Variants in TNNI3K observed in about 807,000 individuals in gnomAD.
TNNI3K encodes the protein serine/threonine-protein kinase TNNI3K.
TNNI3K carries 140 observed loss-of-function variants against 114.5 expected under a neutral mutation model. The observed-to-expected ratio is 1.22, with a 90% CI of 1.07 to 1.41. TNNI3K has a LOEUF of 1.41. Ranked by LOEUF, TNNI3K falls within the 40% of genes most tolerant of loss-of-function variation. The pLI is 0.00. For missense variants in TNNI3K, 1,125 were observed against 1,007.6 expected (o/e 1.12, Z -1.58); for synonymous variants, 347 against 347.5 (o/e 1.00, Z 0.02).
intron 9 of TNNI3K, among the ~76,000 whole-genome samples, chr1:74,351,848 T>G (rs1557514544): frequency 6.6e-6 from 1 of 152,236 alleles, no homozygotes; most frequent in Non-Finnish European, 1.5e-5. Flanking sequence ...CTGCATTGAT[T>G]ATTCTAGTTA....
At chr1:74,294,443 C>A (rs1657859672) in intron 5 of TNNI3K, among the ~76,000 whole-genome samples, 1 of 151,988 alleles carries the variant, frequency 6.6e-6, no homozygotes, top group African/African-American at 2.4e-5. Context: ...TTGATACTGA[C>A]ACTGGCTCAG....
chr1:74,334,447 A>G (rs1251477958), intron 6 of TNNI3K, among the ~76,000 whole-genome samples: 1 of 152,190 alleles, frequency 6.6e-6, no homozygotes, highest in Non-Finnish European at 1.5e-5. Flanking sequence ...GTCAATTGCT[A>G]TTTGAACCCT....
intron 23 of TNNI3K, among the ~76,000 whole-genome samples, chr1:74,532,189 C>G (rs35016895): frequency 6.6e-6 from 1 of 152,072 alleles, no homozygotes; most frequent in South Asian, 2.1e-4. Flanking sequence ...AAGTTTAGTG[C>G]ATGTGTATCT....
chr1:74,526,796 G>T (rs563994705), intron 23 of TNNI3K, among the ~76,000 whole-genome samples: 1 of 152,162 alleles, frequency 6.6e-6, no homozygotes, highest in East Asian at 1.9e-4. Flanking sequence ...AGAGCAACAC[G>T]TATAGGACTT....
intron 4 of TNNI3K, among the ~76,000 whole-genome samples, chr1:74,269,668 T>C (rs1396930034): frequency 6.6e-6 from 1 of 151,898 alleles, no homozygotes; most frequent in Non-Finnish European, 1.5e-5. Context: ...AAATAAGGAA[T>C]GTTAGATGAC....
At chr1:74,534,973 TA>T (rs1438478156) in intron 23 of TNNI3K, among the ~76,000 whole-genome samples, 20 of 152,308 alleles carry the variant, frequency 1.3e-4, no homozygotes, top group Admixed American at 1.0e-3. Context: ...AGACAAAAGC[TA>T]CTAACAGCAC....
At chr1:74,357,259 A>C (rs574259764) in intron 11 of TNNI3K, among the ~76,000 whole-genome samples, 2 of 152,136 alleles carry the variant, frequency 1.3e-5, no homozygotes, top group Admixed American at 1.3e-4. Context: ...CATGTACCCT[A>C]TCCTATCCCG....
intron 9 of TNNI3K, among the ~76,000 whole-genome samples, chr1:74,346,619 C>T (rs74096713): frequency 0.063 from 9,492 of 149,970 alleles, 344 homozygotes; most frequent in African/African-American, 0.09. Flanking sequence ...TCACCTCCTC[C>T]CTTCTCTGTT....
At chr1:74,413,872 G>A (rs974523916) in intron 17 of TNNI3K, among the ~76,000 whole-genome samples, 5 of 152,088 alleles carry the variant, frequency 3.3e-5, no homozygotes, top group Admixed American at 1.3e-4. Flanking sequence ...TTCTTTTAAT[G>A]GTGTGATTGC....
intron 23 of TNNI3K, among the ~76,000 whole-genome samples, chr1:74,496,141 G>A (rs900897929): frequency 6.6e-6 from 1 of 152,158 alleles, no homozygotes; most frequent in Admixed American, 6.6e-5. Context: ...TTCCCCAGGT[G>A]ATTCCAATAT....
intron 4 of TNNI3K, among the ~76,000 whole-genome samples, chr1:74,259,635 TGGTGGTGTGCG>T (rs1655547035): frequency 6.6e-6 from 1 of 152,206 alleles, no homozygotes; most frequent in African/African-American, 2.4e-5. Flanking sequence ...TAGCCATATG[TGGTGGTGTGCG>T]CCTATAGTCC....
At chr1:74,452,970 T>C (rs1316985103) in intron 20 of TNNI3K, among the ~76,000 whole-genome samples, 3 of 152,336 alleles carry the variant, frequency 2.0e-5, no homozygotes, top group South Asian at 4.1e-4. Flanking sequence ...AGTCTAAATA[T>C]AATTTCTTTC....
chr1:74,409,362 A>G (rs1664770157), intron 17 of TNNI3K, among the ~76,000 whole-genome samples: 1 of 151,772 alleles, frequency 6.6e-6, no homozygotes, highest in Admixed American at 6.6e-5. Context: ...CTACCTTGCT[A>G]CCTTTTTTTG....
At chr1:74,289,268 A>G (rs1179422234) in intron 5 of TNNI3K, among the ~76,000 whole-genome samples, 1 of 151,792 alleles carries the variant, frequency 6.6e-6, no homozygotes, top group Admixed American at 6.6e-5. Context: ...ATTTTTAAAA[A>G]TTAATTAAAA....
intron 5 of TNNI3K, among the ~76,000 whole-genome samples, chr1:74,311,885 AC>A (rs777914797): frequency 2.4e-4 from 37 of 152,214 alleles, no homozygotes; most frequent in Non-Finnish European, 4.9e-4. Context: ...AAACTTTATA[AC>A]ATTCTGGCCT....
At chr1:74,503,191 A>G (rs942108961) in intron 23 of TNNI3K, among the ~76,000 whole-genome samples, 4 of 152,224 alleles carry the variant, frequency 2.6e-5, no homozygotes, top group South Asian at 2.1e-4. Context: ...TGAAAGTCCA[A>G]GAGTTTTTCA....
At chr1:74,425,895 C>G (rs1304836952) in intron 17 of TNNI3K, among the ~76,000 whole-genome samples, 1 of 151,966 alleles carries the variant, frequency 6.6e-6, no homozygotes, top group African/African-American at 2.4e-5. Context: ...TTGATAACTT[C>G]CATTCCTGTG....
At chr1:74,316,742 T>G (rs1659329235) in intron 5 of TNNI3K, among the ~76,000 whole-genome samples, 2 of 151,912 alleles carry the variant, frequency 1.3e-5, no homozygotes, top group South Asian at 4.1e-4. Flanking sequence ...CAGGCTGGAG[T>G]GCAGTGGCAC....
At chr1:74,247,924 G>A (rs1016656337) in intron 2 of TNNI3K, among the ~76,000 whole-genome samples, 13 of 152,114 alleles carry the variant, frequency 8.5e-5, no homozygotes, top group African/African-American at 2.4e-4. Flanking sequence ...TTGGGTGGTG[G>A]ATGGGACTGG....
Sources: allele counts gnomAD v4.1 joint callset (sites outside exome capture counted in the v4.1 genomes callset), GRCh38; gene constraint gnomAD v4.1.1; transcripts MANE v1.5; gene names NCBI Gene and HGNC (gene_info 2026-07-23, HGNC 2026-07-21).